The following ASPSCR1 variants were observed in gnomAD, a reference collection of about 807,000 sequenced individuals.
ASPSCR1 encodes the protein ASPSCR1 tether for SLC2A4, UBX domain containing.
ASPSCR1 carries 55 observed loss-of-function variants against 68.9 expected under a neutral mutation model. That is an observed-to-expected ratio of 0.80 (90% CI 0.64 to 1.00). The LOEUF (loss-of-function observed/expected upper bound fraction) is 1.00. Ranked by LOEUF, ASPSCR1 falls within the 50% of genes least tolerant of loss-of-function variation. The pLI, the probability that ASPSCR1 is intolerant of heterozygous loss-of-function variation, is 0.00. For missense variants in ASPSCR1, 765 were observed against 762.2 expected, an observed-to-expected ratio of 1.00 and a Z score of -0.04; for synonymous variants, 352 against 332.6, an observed-to-expected ratio of 1.06 and a Z score of -0.63.
At position 82,017,068 on chromosome 17, in the gene ASPSCR1, G is replaced by C; in HGVS notation, c.1603G>C (p.Val535Leu). Reference sequence around the variant, plus strand: ...GCCCATCCCAGGGACGGCCCAGCCCGTGAAGAGGAGCCTGGGCAAGGTGCC... The same window carrying C: ...GCCCATCCCAGGGACGGCCCAGCCCCTGAAGAGGAGCCTGGGCAAGGTGCC... ...PEPIPGTAQP[V>L]KRSLGKVPKW... Residue 535 changes from valine (V) to leucine (L), a missense_variant, in exon 15 of 16, where the codon GTG (valine) becomes CTG (leucine). Val to Leu is a conservative substitution (Grantham distance 32). Transcript: ENST00000306739. The C allele has an allele frequency of 6.2e-7, 1 of 1,608,624 alleles. No homozygotes were observed.
intron 7 of ASPSCR1, among the ~76,000 whole-genome samples, chr17:82,002,807 T>C (rs928732772): frequency 6.6e-6 from 1 of 152,132 alleles, no homozygotes; most frequent in African/African-American, 2.4e-5. Context: ...ATCTGCCTGC[T>C]TTGGCCTCCC....
At position 81,990,950 on chromosome 17, in the gene ASPSCR1, G is replaced by T. The variant is rs1337637415; in HGVS notation, c.375-3871G>T. On this transcript the variant is annotated intron_variant, in intron 4 of 15. Transcript: ENST00000306739. The surrounding 1 kb of genome is among the most constrained non-coding windows in gnomAD (Gnocchi z 4.1). ...GCGAGTCCCGTAGTTTGAATCCCAC[G>T]TCCCGTAAGGACCTAGTTGCCAAGT... Among the ~76,000 whole-genome samples, 5 of 152,240 alleles carry T rather than the reference G, an allele frequency of 3.3e-5. No homozygotes were observed. Among genetic ancestry groups the T allele is most frequent in the Admixed American group, 2.6e-4 (4 of 15,296 alleles).
At chr17:81,979,962 C>T (rs1330792329) in intron 2 of ASPSCR1, among the ~76,000 whole-genome samples, 1 of 152,150 alleles carries the variant, frequency 6.6e-6, no homozygotes, top group Non-Finnish European at 1.5e-5. Context: ...ACTTTAAAGT[C>T]CTGTTTTCTG....
In ASPSCR1 at chr17:82,016,969, T is replaced by C; in HGVS notation, c.1504T>C (p.Ser502Pro). Reference protein sequence around the residue: ...RYMSRAAGSPSPLPAPDPAPK... With the variant: ...RYMSRAAGSPPPLPAPDPAPK... ...CATGTCCAGGGCCGCCGGGTCCCCT[T>C]CCCCATTGCCAGCCCCTGACCCTGC... is the stretch of plus-strand genomic sequence containing the variant. Residue 502 changes from serine (S) to proline (P), a missense_variant, in exon 15 of 16, where the codon TCC (serine) becomes CCC (proline). Physicochemically the swap from Ser to Pro is moderately conservative, Grantham distance 74. Coordinates refer to ENST00000306739, the MANE Select transcript of ASPSCR1 (RefSeq NM_024083.4). 6.2e-7 allele frequency: 1 copy of C among 1,611,852 alleles called. No homozygotes were observed. The highest frequency in any genetic ancestry group is 1.1e-5 in the South Asian group (1 of 91,028).
intron 4 of ASPSCR1, 88 bp from the exon 5 acceptor site, chr17:81,994,733 T>A (rs1388315938): frequency 7.1e-7 from 1 of 1,410,394 alleles, no homozygotes; most frequent in African/African-American, 1.4e-5. Context: ...CCCCACACCT[T>A]TGCTTTCCGA....
Position 82,009,174 on chromosome 17 carries a change from C to T in ASPSCR1, c.1071C>T (p.Ala357=), listed in dbSNP as rs778536648. The T allele has an allele frequency of 9.9e-6, 16 of 1,610,520 alleles. No homozygotes were observed. The South Asian group carries it at 1.5e-4, about 16-fold the overall frequency. ...LTVDDVRRRL[A]QLKSERKRLE... ...TGGACGACGTGAGAAGACGCTTGGCCCAGCTCAAGAGTGAGCGGTGGGTGC... is the reference window on the plus strand; with the variant it reads ...TGGACGACGTGAGAAGACGCTTGGCTCAGCTCAAGAGTGAGCGGTGGGTGC... The change falls in exon 8 of 16, where the codon GCC becomes GCT. Residue 357 remains alanine, a synonymous_variant. Transcript: ENST00000306739.
chr17:82,015,601 C>T, intron 12 of ASPSCR1: 1 of 577,670 alleles, frequency 1.7e-6, no homozygotes, highest in Non-Finnish European at 3.1e-6. Flanking sequence ...AGGTGGGATG[C>T]AGATGGGGCT....
At chr17:81,985,267 C>T (rs1567957811) in intron 3 of ASPSCR1, among the ~76,000 whole-genome samples, 1 of 152,078 alleles carries the variant, frequency 6.6e-6, no homozygotes, top group Non-Finnish European at 1.5e-5. Flanking sequence ...CACGCACGCA[C>T]ACCTGCACAT....
At chr17:81,995,858 T>C in intron 5 of ASPSCR1, 134 bp from the exon 6 acceptor site, 1 of 804,770 alleles carries the variant, frequency 1.2e-6, no homozygotes, top group East Asian at 2.7e-5. Context: ...AGGGGCCAGA[T>C]GTGGGGGGTG....
At chr17:82,012,719 C>A (rs1038614804) in intron 12 of ASPSCR1, among the ~76,000 whole-genome samples, 2 of 152,184 alleles carry the variant, frequency 1.3e-5, no homozygotes, top group Non-Finnish European at 2.9e-5. Context: ...CTTCCCCCTG[C>A]CCGGCCTCTC....
chr17:81,978,820 C>A, intron 1 of ASPSCR1: 1 of 330,440 alleles, frequency 3.0e-6, no homozygotes, highest in Non-Finnish European at 5.8e-6. Flanking sequence ...CAGAACCGTG[C>A]CAGAGCCAGG....
chr17:81,996,163 G>T, intron 6 of ASPSCR1, 98 bp downstream of exon 6: 3 of 1,390,000 alleles, frequency 2.2e-6, no homozygotes, highest in Non-Finnish European at 1.9e-6. Context: ...TGGGGAGTAG[G>T]TGTACCCAGG....
intron 10 of ASPSCR1, 106 bp from the exon 11 acceptor site, chr17:82,011,437 C>T (rs1475793089): frequency 9.0e-7 from 1 of 1,106,004 alleles, no homozygotes; most frequent in Non-Finnish European, 1.3e-6. Flanking sequence ...AATTCCCACC[C>T]CTCGGGGAAA....
At chr17:81,997,733 C>T (rs2042400154) in intron 7 of ASPSCR1, among the ~76,000 whole-genome samples, 1 of 150,830 alleles carries the variant, frequency 6.6e-6, no homozygotes, top group Admixed American at 6.6e-5. Flanking sequence ...TTGTGATCCA[C>T]CCACCTCGGC....
chr17:82,005,928 G>T (rs950910802), intron 7 of ASPSCR1: 1 of 152,272 alleles, frequency 6.6e-6, no homozygotes, highest in East Asian at 1.9e-4. Flanking sequence ...TCCCCCATGC[G>T]GTGGGCCCTG....
At chr17:82,016,653 C>G (rs917261013) in intron 13 of ASPSCR1, 126 bp downstream of exon 13, 1 of 1,451,646 alleles carries the variant, frequency 6.9e-7, no homozygotes, top group African/African-American at 1.4e-5. Context: ...ATCTGCGGCC[C>G]CCAGTAACCA....
chr17:81,985,407 G>C (rs976044483), intron 3 of ASPSCR1, 100 bp from the exon 4 acceptor site: 83 of 1,262,744 alleles, frequency 6.6e-5, no homozygotes, highest in Middle Eastern at 3.7e-4. Context: ...AGGCCAGGGC[G>C]GGGCAGTCAC....
chr17:81,981,351 G>A (rs527585287), intron 2 of ASPSCR1, among the ~76,000 whole-genome samples: 2 of 152,120 alleles, frequency 1.3e-5, no homozygotes, highest in South Asian at 4.2e-4. Context: ...TGGTTGGGGG[G>A]GGCTTAGGGT....
intron 12 of ASPSCR1, chr17:82,015,283 C>T (rs886914001): frequency 1.3e-6 from 2 of 1,598,268 alleles, no homozygotes; most frequent in Non-Finnish European, 1.7e-6. Flanking sequence ...CCCTCCTCTC[C>T]ACCATCCCCT....
Sources: gnomAD v4.1 joint callset for allele counts (sites outside exome capture counted in the v4.1 genomes callset) on GRCh38, gnomAD v4.1.1 for gene constraint, Gnocchi (gnomAD v3.1) non-coding constraint, MANE v1.5 for transcripts, NCBI Gene and HGNC (gene_info 2026-07-23, HGNC 2026-07-21) for gene names.